The following DZANK1 variants were observed in gnomAD, a reference collection of about 807,000 sequenced individuals.
DZANK1 encodes the protein double zinc ribbon and ankyrin repeat domains 1.
In DZANK1, 91 loss-of-function variants were observed where a neutral mutation model predicts 94.5. The observed-to-expected ratio is 0.96, with a 90% CI of 0.81 to 1.15. The LOEUF (loss-of-function observed/expected upper bound fraction) is 1.15, where lower values mean the gene tolerates loss of function less well. Among genes scored for constraint, DZANK1 ranks in the 50% most tolerant of loss-of-function variants. The probability of loss-of-function intolerance (pLI) is 0.00; values close to 1 mark genes in which losing one functional copy is unlikely to be tolerated. For missense variants in DZANK1, 903 were observed against 916.4 expected, an observed-to-expected ratio of 0.99 and a Z score of 0.19; for synonymous variants, 312 against 325.3, an observed-to-expected ratio of 0.96 and a Z score of 0.44.
At chr20:18,415,150 G>A (rs1022089971) in intron 11 of DZANK1, among the ~76,000 whole-genome samples, 177 bp downstream of exon 11, 2 of 152,216 alleles carry the variant, frequency 1.3e-5, no homozygotes, top group Admixed American at 1.3e-4. Context: ...ACAGTCATCA[G>A]AGATGGCTCT....
At chr20:18,405,626 G>A (rs1049719662) in intron 13 of DZANK1, among the ~76,000 whole-genome samples, 2 of 152,190 alleles carry the variant, frequency 1.3e-5, no homozygotes, top group South Asian at 2.1e-4. Context: ...AGCTGGAGGT[G>A]GAGCAAGATG....
intron 9 of DZANK1, 154 bp downstream of exon 9, chr20:18,433,498 C>T (rs532077446): frequency 1.1e-4 from 66 of 626,048 alleles, no homozygotes; most frequent in African/African-American, 1.7e-4. Flanking sequence ...GCTGAGATTG[C>T]GCTACTGCAC....
intron 6 of DZANK1, among the ~76,000 whole-genome samples, chr20:18,450,077 C>CAAAT (rs146221883): frequency 0.065 from 9,714 of 148,984 alleles, 348 homozygotes; most frequent in East Asian, 0.15. Context: ...AACTCCGTCT[C>CAAAT]AAATAAATAA....
chr20:18,428,788 A>G (rs1323256448), intron 9 of DZANK1: 1 of 152,182 alleles, frequency 6.6e-6, no homozygotes, highest in Admixed American at 6.5e-5. Flanking sequence ...AACAAAGCCC[A>G]GCTCCCAGGG....
chr20:18,461,756 C>A (rs139269758), intron 2 of DZANK1, among the ~76,000 whole-genome samples: 1 of 152,138 alleles, frequency 6.6e-6, no homozygotes, highest in African/African-American at 2.4e-5. Context: ...CCCACCACCA[C>A]GCCCAGCTAA....
chr20:18,466,447 T>C (rs2059657366), intron 1 of DZANK1, among the ~76,000 whole-genome samples: 1 of 152,238 alleles, frequency 6.6e-6, no homozygotes, highest in African/African-American at 2.4e-5. Context: ...GTGAACTTAA[T>C]GCCTTGTTGG....
chr20:18,438,849 A>G (rs1473371996), intron 8 of DZANK1, among the ~76,000 whole-genome samples: 1 of 152,232 alleles, frequency 6.6e-6, no homozygotes, highest in East Asian at 1.9e-4. Flanking sequence ...GGTGGAAGGC[A>G]AACAAGCTCC....
chr20:18,465,292 T>C (rs2059605531), exon 2 of DZANK1: 2 of 1,610,660 alleles, frequency 1.2e-6, no homozygotes, highest in Non-Finnish European at 1.7e-6. Context: ...ATTTCATGGT[T>C]AGCTTTTCCA....
intron 13 of DZANK1, among the ~76,000 whole-genome samples, chr20:18,406,894 T>A (rs1014305413): frequency 6.6e-6 from 1 of 152,118 alleles, no homozygotes; most frequent in Non-Finnish European, 1.5e-5. Context: ...CAAGCAAACA[T>A]TGGCAGTGGC....
At chr20:18,452,105 C>T (rs1223540433) in intron 6 of DZANK1, 8 of 342,182 alleles carry the variant, frequency 2.3e-5, no homozygotes, top group East Asian at 1.6e-4. Context: ...TCAAACCCCA[C>T]ATCAGACCAA....
At chr20:18,434,043 T>G (rs1372247866) in intron 8 of DZANK1, 2 of 316,908 alleles carry the variant, frequency 6.3e-6, no homozygotes, top group Non-Finnish European at 1.1e-5. Context: ...AATAACACTA[T>G]GTACCCCATA....
At chr20:18,395,083 C>A (rs2056261526) in intron 15 of DZANK1, among the ~76,000 whole-genome samples, 2 of 152,158 alleles carry the variant, frequency 1.3e-5, no homozygotes, top group Admixed American at 6.5e-5. Context: ...ACCTAGGGCC[C>A]AGGTGCAGTG....
chr20:18,429,071 G>C (rs2058178459), intron 9 of DZANK1, among the ~76,000 whole-genome samples: 1 of 152,134 alleles, frequency 6.6e-6, no homozygotes, highest in African/African-American at 2.4e-5. Context: ...TCAGCAATTG[G>C]CCAGCATTTA....
intron 9 of DZANK1, 120 bp from the exon 10 acceptor site, chr20:18,427,279 T>C (rs2058086650): frequency 6.5e-6 from 4 of 616,740 alleles, no homozygotes; most frequent in Non-Finnish European, 1.1e-5. Context: ...ACCCAGGCCC[T>C]GAATACTGGA....
intron 13 of DZANK1, among the ~76,000 whole-genome samples, chr20:18,410,439 TTAAA>T (rs1467440785): frequency 1.3e-5 from 2 of 151,964 alleles, no homozygotes; most frequent in Non-Finnish European, 2.9e-5. Flanking sequence ...GAAAAAGTCA[TTAAA>T]TAAATCAAAA....
chr20:18,442,281 G>A lies in DZANK1; in HGVS notation c.747+1066C>T, dbSNP rs984969823. 5.3e-5 allele frequency among the ~76,000 whole-genome samples: 8 copies of A among 152,030 alleles called. No individual in the cohort carries two copies. In the South Asian group the frequency reaches 8.3e-4, roughly 16 times the overall value. ...TCCAGGCAAGTAGAAAATAATTTTG[G>A]TATCGCACCAACTAGTATAAACAGA... On this transcript the variant is annotated intron_variant, in intron 8 of 20. Coordinates refer to ENST00000262547, the Ensembl canonical transcript of DZANK1.
intron 2 of DZANK1, among the ~76,000 whole-genome samples, chr20:18,461,269 G>A (rs2059461364): frequency 6.6e-6 from 1 of 152,026 alleles, no homozygotes; most frequent in Non-Finnish European, 1.5e-5. Flanking sequence ...ACTGTACCCT[G>A]TTCCACATAT....
intron 5 of DZANK1, 74 bp downstream of exon 5, chr20:18,453,657 T>G: frequency 9.8e-7 from 1 of 1,021,458 alleles, no homozygotes; most frequent in African/African-American, 1.6e-5. Flanking sequence ...CAAGAAAACA[T>G]GCAACGAACA....
At chr20:18,461,978 A>G (rs2059488683) in intron 2 of DZANK1, among the ~76,000 whole-genome samples, 1 of 151,984 alleles carries the variant, frequency 6.6e-6, no homozygotes, top group Non-Finnish European at 1.5e-5. Flanking sequence ...CCAGCAATGC[A>G]TGAAAACACC....
Sources: allele counts gnomAD v4.1 joint callset (sites outside exome capture counted in the v4.1 genomes callset), GRCh38; gene constraint gnomAD v4.1.1; transcripts MANE v1.5; gene names NCBI Gene and HGNC (gene_info 2026-07-23, HGNC 2026-07-21).